The following USP37 variants were observed in gnomAD, a reference collection of about 807,000 sequenced individuals.
The protein encoded by USP37 is ubiquitin specific peptidase 37.
USP37 carries 27 observed loss-of-function variants against 124.0 expected under a neutral mutation model. The ratio of observed to expected loss-of-function variants is 0.22; its 90% CI spans 0.16 to 0.30. USP37 has a LOEUF of 0.30. USP37 is among the 10% of genes least tolerant of loss of function. The pLI, the probability that USP37 is intolerant of heterozygous loss-of-function variation, is 1.00. For missense variants in USP37, 889 were observed against 1,140.4 expected (o/e 0.78, Z 3.17); for synonymous variants, 365 against 388.0 (o/e 0.94, Z 0.70).
intron 10 of USP37, among the ~76,000 whole-genome samples, chr2:218,516,000 C>A (rs946873027): frequency 6.6e-6 from 1 of 152,154 alleles, no homozygotes; most frequent in African/African-American, 2.4e-5. Context: ...CCATCTCATG[C>A]CATTTAGAAT....
chr2:218,454,979 G>A lies in USP37; in HGVS notation c.2891C>T (p.Ser964Phe), dbSNP rs763470699. ...CCCCACTTCCGTGCTAAGTGACTGA[G>A]AGTTCTTTTCTGTTTCCAGCAGCTC... ...FDELLETEKNSQSLSTEVGKT... is the reference protein window; with the variant it reads ...FDELLETEKNFQSLSTEVGKT... Residue 964 changes from serine to phenylalanine, a missense_variant, in exon 26 of 26, where the codon TCT (serine) becomes TTT (phenylalanine). Coordinates refer to ENST00000258399, the MANE Select transcript of USP37 (RefSeq NM_020935.3). The A allele has an allele frequency of 2.5e-6, 4 of 1,614,080 alleles. No individual in the cohort carries two copies. Among genetic ancestry groups the A allele is most frequent in the Middle Eastern group, 1.6e-4 (1 of 6,062 alleles).
chr2:218,535,094 G>A (rs906459251), intron 8 of USP37, among the ~76,000 whole-genome samples: 3 of 152,300 alleles, frequency 2.0e-5, no homozygotes, highest in East Asian at 3.9e-4. Flanking sequence ...GGCCAGGCGC[G>A]GTGGCTCACT....
chr2:218,505,646 A>G (rs1187743347), intron 11 of USP37, among the ~76,000 whole-genome samples: 1 of 152,140 alleles, frequency 6.6e-6, no homozygotes, highest in Non-Finnish European at 1.5e-5. Context: ...TGATTTTGAG[A>G]AGTCTGATGC....
chr2:218,554,696 G>T (rs1041484952), intron 4 of USP37, among the ~76,000 whole-genome samples: 1 of 150,510 alleles, frequency 6.6e-6, no homozygotes, highest in Non-Finnish European at 1.5e-5. Flanking sequence ...GCAGTGAGTT[G>T]AGAGTGTGCC....
At chr2:218,536,945 G>A (rs1428775015) in intron 8 of USP37, among the ~76,000 whole-genome samples, 1 of 152,080 alleles carries the variant, frequency 6.6e-6, no homozygotes, top group Non-Finnish European at 1.5e-5. Flanking sequence ...AGAAGGATAG[G>A]GCTCACGCAG....
chr2:218,464,538 T>C (rs952323045), intron 21 of USP37, among the ~76,000 whole-genome samples: 1 of 152,194 alleles, frequency 6.6e-6, no homozygotes, highest in African/African-American at 2.4e-5. Flanking sequence ...GTGCCCAGCT[T>C]AGATTTCTTA....
At chr2:218,457,882 C>T (rs1202353453) in intron 23 of USP37, among the ~76,000 whole-genome samples, 1 of 151,544 alleles carries the variant, frequency 6.6e-6, no homozygotes, top group Non-Finnish European at 1.5e-5. Context: ...CCTGTCTCTA[C>T]TAAAAAAACA....
intron 11 of USP37, among the ~76,000 whole-genome samples, chr2:218,507,540 A>G (rs1321173334): frequency 6.6e-6 from 1 of 152,100 alleles, no homozygotes; most frequent in African/African-American, 2.4e-5. Context: ...TGGCTGAAAT[A>G]TTTTGATTCA....
rs35770553 is a variant in USP37, at chr2:218,506,605, C to CTT, written c.1025+3372_1025+3373dup. Among the ~76,000 whole-genome samples, 240 of 136,228 alleles carry CTT rather than the reference C, an allele frequency of 1.8e-3. 1 individual carries two copies. Among genetic ancestry groups the CTT allele is most frequent in the Middle Eastern group, 4.0e-3 (1 of 250 alleles). The allele number at this position is 136,228 out of a possible 152,430, so 89.4% of individuals were successfully genotyped here. A position where few individuals can be genotyped will look rare whatever the true frequency, so the allele number is the denominator to read the frequency against. The stretch of plus-strand genomic sequence containing the variant: ...CGGCCCTTTCTGGCTTTTTATACTT[C>CTT]TTTTTTTTTTTTTTTCATCTTTTTT... On this transcript the variant is annotated intron_variant, in intron 11 of 25. Transcript: ENST00000258399.
At chr2:218,566,212 A>G (rs1322669911) in intron 1 of USP37, among the ~76,000 whole-genome samples, 1 of 152,222 alleles carries the variant, frequency 6.6e-6, no homozygotes, top group Admixed American at 6.5e-5. Flanking sequence ...GAGATGACTG[A>G]TAGATGGTGG....
chr2:218,566,811 C>T (rs1449219517), intron 1 of USP37, among the ~76,000 whole-genome samples: 2 of 152,058 alleles, frequency 1.3e-5, no homozygotes, highest in African/African-American at 2.4e-5. Context: ...ATGCAAGACA[C>T]GTATTGGAAG....
intron 8 of USP37, among the ~76,000 whole-genome samples, chr2:218,541,960 C>T (rs562158308): frequency 1.3e-5 from 2 of 152,272 alleles, no homozygotes; most frequent in East Asian, 3.9e-4. Flanking sequence ...CATTTAACTA[C>T]TTAAAACATT....
intron 20 of USP37, among the ~76,000 whole-genome samples, chr2:218,472,131 C>A (rs1170362590): frequency 1.1e-4 from 16 of 152,080 alleles, no homozygotes; most frequent in Non-Finnish European, 1.9e-4. Flanking sequence ...GTGATCTCTC[C>A]AGCAGGGCAG....
intron 10 of USP37, among the ~76,000 whole-genome samples, chr2:218,526,852 G>A (rs1363647082): frequency 7.2e-5 from 10 of 139,436 alleles, no homozygotes; most frequent in South Asian, 2.3e-4. Context: ...GCAGTGGCGC[G>A]ATCTCGGCTC....
chr2:218,469,333 T>A (rs1005830933), intron 20 of USP37, among the ~76,000 whole-genome samples: 82 of 152,182 alleles, frequency 5.4e-4, no homozygotes, highest in African/African-American at 1.9e-3. Flanking sequence ...CCCTCCTACC[T>A]ACGCCTGCTG....
Position 218,474,818 on chromosome 2 carries a change from C to T in USP37, c.2111G>A (p.Ser704Asn). The T allele has an allele frequency of 1.2e-6, 2 of 1,614,106 alleles. No homozygotes were observed. Among genetic ancestry groups the T allele is most frequent in the Non-Finnish European group, 1.7e-6 (2 of 1,180,024 alleles). ...GACAGCTGCTAGAAGCTCTTCTTCGCTCATTCTGTCAAATCCTGAGTTTTC... is the reference window on the plus strand; with the variant it reads ...GACAGCTGCTAGAAGCTCTTCTTCGTTCATTCTGTCAAATCCTGAGTTTTC... ...ELENSGFDRMSEEELLAAVLE... is the reference protein window; with the variant it reads ...ELENSGFDRMNEEELLAAVLE... Residue 704 changes from serine (S) to asparagine (N), a missense_variant, in exon 20 of 26, where the codon AGC becomes AAC. Physicochemically the swap from Ser to Asn is conservative, Grantham distance 46. Transcript: ENST00000258399.
chr2:218,507,886 C>A (rs768978670), intron 11 of USP37, among the ~76,000 whole-genome samples: 1 of 152,190 alleles, frequency 6.6e-6, no homozygotes, highest in African/African-American at 2.4e-5. Context: ...GTTCTGCAAA[C>A]TACCAAGATC....
intron 11 of USP37, among the ~76,000 whole-genome samples, chr2:218,501,464 G>A (rs1371266141): frequency 6.6e-6 from 1 of 152,124 alleles, no homozygotes; most frequent in East Asian, 1.9e-4. Flanking sequence ...GAGGAAGTTT[G>A]AGAGTCTGGA....
chr2:218,473,644 A>G (rs1690807774), intron 20 of USP37, among the ~76,000 whole-genome samples: 1 of 152,212 alleles, frequency 6.6e-6, no homozygotes, highest in South Asian at 2.1e-4. Context: ...GTCATAGGAA[A>G]AGATAGTAAA....
Sources: allele counts gnomAD v4.1 joint callset (sites outside exome capture counted in the v4.1 genomes callset), GRCh38; gene constraint gnomAD v4.1.1; transcripts MANE v1.5; gene names NCBI Gene and HGNC (gene_info 2026-07-23, HGNC 2026-07-21).